The following GULP1 variants were observed in gnomAD, a reference collection of about 807,000 sequenced individuals.
GULP1 encodes the protein GULP PTB domain containing engulfment adaptor 1, also known as PTB domain-containing engulfment adapter protein 1.
A neutral mutation model predicts 40.9 loss-of-function variants in GULP1; 19 were observed. The observed-to-expected ratio is 0.46, with a 90% CI of 0.32 to 0.68. The LOEUF (loss-of-function observed/expected upper bound fraction) is 0.68, where lower values mean the gene tolerates loss of function less well. GULP1 is among the 30% of genes least tolerant of loss of function. The pLI is 0.03. For synonymous variants in GULP1, 119 were observed against 117.6 expected (o/e 1.01, Z -0.08); for missense variants, 312 against 362.2 (o/e 0.86, Z 1.12).
At chr2:188,468,213 T>C (rs1371148298) in intron 2 of GULP1, among the ~76,000 whole-genome samples, 2 of 152,142 alleles carry the variant, frequency 1.3e-5, no homozygotes, top group Non-Finnish European at 2.9e-5. Flanking sequence ...TTACAGTGTT[T>C]TCTTTGATGA....
chr2:188,436,028 A>C (rs1380686328), intron 2 of GULP1, among the ~76,000 whole-genome samples: 1 of 152,014 alleles, frequency 6.6e-6, no homozygotes, highest in Non-Finnish European at 1.5e-5. Flanking sequence ...ATATCTACAA[A>C]ACCTCTCCAT....
intron 2 of GULP1, among the ~76,000 whole-genome samples, chr2:188,386,988 G>T (rs2049857712): frequency 6.6e-6 from 1 of 152,066 alleles, no homozygotes; most frequent in South Asian, 2.1e-4. Context: ...CTGTAATCCT[G>T]CACTTTGGGA....
At chr2:188,537,608 G>T (rs1051070607) in intron 6 of GULP1, among the ~76,000 whole-genome samples, 1 of 151,934 alleles carries the variant, frequency 6.6e-6, no homozygotes, top group Admixed American at 6.6e-5. Context: ...GAGAATTTTT[G>T]CATCTATGTA....
intron 1 of GULP1, among the ~76,000 whole-genome samples, chr2:188,358,667 A>G (rs2045688883): frequency 6.6e-6 from 1 of 152,178 alleles, no homozygotes. Flanking sequence ...ATAAAGGACT[A>G]ATTTTTCAGG....
intron 2 of GULP1, among the ~76,000 whole-genome samples, chr2:188,389,489 A>G (rs947912850): frequency 4.6e-5 from 7 of 152,144 alleles, no homozygotes; most frequent in Admixed American, 6.6e-5. Context: ...AAATGGATAT[A>G]TGTTCTTTCT....
chr2:188,335,157 G>C (rs962202868), intron 1 of GULP1, among the ~76,000 whole-genome samples: 1 of 152,198 alleles, frequency 6.6e-6, no homozygotes, highest in Non-Finnish European at 1.5e-5. Flanking sequence ...TTGAGAATTA[G>C]TGCCAGACTA....
chr2:188,298,919 GCCTCTCAC>G (rs2035568336), intron 1 of GULP1, among the ~76,000 whole-genome samples: 1 of 152,154 alleles, frequency 6.6e-6, no homozygotes, highest in Admixed American at 6.5e-5. Context: ...ATAAAAGGGT[GCCTCTCAC>G]GGATGGAGCA....
chr2:188,324,934 C>T (rs916725516), intron 1 of GULP1, among the ~76,000 whole-genome samples: 1 of 151,906 alleles, frequency 6.6e-6, no homozygotes, highest in Admixed American at 6.6e-5. Flanking sequence ...TGTATTCAAG[C>T]ACTATTAGAA....
chr2:188,396,574 C>T (rs962785968), intron 2 of GULP1, among the ~76,000 whole-genome samples: 3 of 152,142 alleles, frequency 2.0e-5, no homozygotes, highest in African/African-American at 7.2e-5. Context: ...TAAAACTGCC[C>T]GAGGCCATAA....
At chr2:188,462,434 G>A (rs2059784010) in intron 2 of GULP1, among the ~76,000 whole-genome samples, 1 of 152,102 alleles carries the variant, frequency 6.6e-6, no homozygotes, top group Non-Finnish European at 1.5e-5. Context: ...ATACCTATTA[G>A]CTCCATTTGG....
At chr2:188,355,300 A>C (rs981028600) in intron 1 of GULP1, among the ~76,000 whole-genome samples, 7 of 152,096 alleles carry the variant, frequency 4.6e-5, no homozygotes, top group African/African-American at 1.7e-4. Flanking sequence ...CTAAGGAAAA[A>C]AAGGAGAAAA....
rs114748646 is a variant in GULP1 at position 188,466,033 on chromosome 2, G to C, written c.-44-11626G>C. Among the ~76,000 whole-genome samples, 1,048 of 151,936 alleles carry C rather than the reference G, an allele frequency of 6.9e-3. 8 individuals are homozygous for C. The highest frequency in any genetic ancestry group is 0.024 in the African/African-American group (987 of 41,432). The stretch of plus-strand genomic sequence containing the variant: ...TGGTGTCCTCACTGGGGGGACAATT[G>C]AGAGAGCCTTCTATTTTGCCATTTT... On this transcript the variant is annotated intron_variant, in intron 2 of 11. Transcript: ENST00000409830.
chr2:188,355,247 A>T (rs2045121361), intron 1 of GULP1, among the ~76,000 whole-genome samples: 2 of 152,192 alleles, frequency 1.3e-5, no homozygotes, highest in South Asian at 4.1e-4. Flanking sequence ...TGGAAAGTGG[A>T]TTTTCTTAAA....
At chr2:188,330,979 T>C (rs2041490698) in intron 1 of GULP1, among the ~76,000 whole-genome samples, 1 of 152,164 alleles carries the variant, frequency 6.6e-6, no homozygotes, top group Admixed American at 6.5e-5. Context: ...AGTTAAATGG[T>C]CTTAATCTTG....
intron 2 of GULP1, among the ~76,000 whole-genome samples, chr2:188,413,729 G>A (rs2054211879): frequency 6.6e-6 from 1 of 152,036 alleles, no homozygotes; most frequent in South Asian, 2.1e-4. Context: ...TAAATTCCTA[G>A]TAAATAATGC....
Position 188,465,670 on chromosome 2 carries a change from C to A in GULP1, c.-44-11989C>A, listed in dbSNP as rs140129791. Among the ~76,000 whole-genome samples, 712 of 152,186 alleles carry A rather than the reference C, an allele frequency of 4.7e-3. 5 individuals carry two copies. Among genetic ancestry groups the A allele is most frequent in the African/African-American group, 0.016 (669 of 41,520 alleles). On this transcript the variant is annotated intron_variant, in intron 2 of 11. Coordinates refer to ENST00000409830, the MANE Select transcript of GULP1 (RefSeq NM_016315.4). The stretch of plus-strand genomic sequence containing the variant: ...TTGTGTGGGGCTTGTTTAAATTCTC[C>A]CTCCTTGGGCGAGCGTCACCTGAGT...
At chr2:188,421,156 A>G (rs1027444447) in intron 2 of GULP1, among the ~76,000 whole-genome samples, 3 of 152,192 alleles carry the variant, frequency 2.0e-5, no homozygotes, top group African/African-American at 7.2e-5. Context: ...TAGAAAACTT[A>G]AACACTCCAT....
intron 1 of GULP1, among the ~76,000 whole-genome samples, chr2:188,321,752 C>T (rs2040013767): frequency 6.6e-6 from 1 of 151,914 alleles, no homozygotes; most frequent in Non-Finnish European, 1.5e-5. Context: ...CATGGTGGCT[C>T]ACACCTGTAA....
chr2:188,469,561 G>A lies in GULP1; in HGVS notation c.-44-8098G>A, dbSNP rs147805730. On this transcript the variant is annotated intron_variant, in intron 2 of 11. Transcript: ENST00000409830. Reference sequence around the variant, plus strand: ...TGGCAGTAGGCAAAGGGGGAGTGAGGCATCTCACATGGTGTGAGCAGGAGC... The same window carrying A: ...TGGCAGTAGGCAAAGGGGGAGTGAGACATCTCACATGGTGTGAGCAGGAGC... Among the ~76,000 whole-genome samples, 141 of 152,194 alleles carry A rather than the reference G, an allele frequency of 9.3e-4. 2 individuals are homozygous for A. In the East Asian group the frequency reaches 0.022, roughly 24 times the overall value.
Sources: gnomAD v4.1 joint callset for allele counts (sites outside exome capture counted in the v4.1 genomes callset) on GRCh38, gnomAD v4.1.1 for gene constraint, MANE v1.5 for transcripts, NCBI Gene and HGNC (gene_info 2026-07-23, HGNC 2026-07-21) for gene names.